Variants in KCNAB1 observed in about 807,000 individuals in gnomAD.
KCNAB1 encodes the protein voltage-gated potassium channel subunit beta-1.
A neutral mutation model predicts 64.6 loss-of-function variants in KCNAB1; 35 were observed. The ratio of observed to expected loss-of-function variants is 0.54; its 90% CI spans 0.41 to 0.72. KCNAB1 has a LOEUF of 0.72. KCNAB1 is among the 30% of genes least tolerant of loss of function. KCNAB1 has a pLI of 0.00. For missense variants in KCNAB1, 401 were observed against 512.9 expected, an observed-to-expected ratio of 0.78 and a Z score of 2.11; for synonymous variants, 177 against 183.8, an observed-to-expected ratio of 0.96 and a Z score of 0.30.
intron 1 of KCNAB1, among the ~76,000 whole-genome samples, chr3:156,280,398 G>A (rs1168953792): frequency 1.3e-5 from 2 of 151,720 alleles, no homozygotes; most frequent in East Asian, 1.9e-4. Flanking sequence ...AAGTCAGGTA[G>A]TGTGATGCCT....
intron 1 of KCNAB1, among the ~76,000 whole-genome samples, chr3:156,419,801 G>C (rs1256517928): frequency 6.6e-6 from 1 of 152,162 alleles, no homozygotes; most frequent in Admixed American, 6.5e-5. Context: ...AGCTCCTTGA[G>C]GGTACAGGAC....
chr3:156,248,158 TAATCAATGC>T (rs1266790659), intron 1 of KCNAB1, among the ~76,000 whole-genome samples: 1 of 152,252 alleles, frequency 6.6e-6, no homozygotes, highest in Non-Finnish European at 1.5e-5. Flanking sequence ...TGTTAAGTTG[TAATCAATGC>T]ACCAATGAAA....
At chr3:156,122,625 A>G (rs1028571945) in intron 1 of KCNAB1, among the ~76,000 whole-genome samples, 1 of 152,218 alleles carries the variant, frequency 6.6e-6, no homozygotes, top group Non-Finnish European at 1.5e-5. Context: ...TCTGTGGGGT[A>G]GTGTTATTAA....
In KCNAB1 at chr3:156,538,147, G is replaced by T. The variant is rs67804603; in HGVS notation, c.*1400G>T. On this transcript the variant is annotated 3_prime_UTR_variant, in exon 14 of 14. Coordinates refer to ENST00000490337, the MANE Select transcript of KCNAB1 (RefSeq NM_172160.3). ...TGTAAAAAGAGAGAAAACATGTTTTGTTTTTTTTTGAAGGGGGTGGTGTGG... is the reference window on the plus strand; with the variant it reads ...TGTAAAAAGAGAGAAAACATGTTTTTTTTTTTTTTGAAGGGGGTGGTGTGG... 758 of 11,324 alleles carry T rather than the reference G, an allele frequency of 0.067. 5 individuals carry two copies. The highest frequency in any genetic ancestry group is 0.33 in the East Asian group (80 of 242). The allele number at this position is 11,324 out of a possible 1,614,324, so 0.7% of individuals were successfully genotyped here. A position where few individuals can be genotyped will look rare whatever the true frequency, so the allele number is the denominator to read the frequency against.
chr3:156,244,340 GTC>G (rs1717336053), intron 1 of KCNAB1, among the ~76,000 whole-genome samples: 2 of 152,010 alleles, frequency 1.3e-5, no homozygotes, highest in African/African-American at 4.8e-5. Context: ...TCTTCCTCTT[GTC>G]TCTGTTTTAT....
At chr3:156,420,727 T>TAATTTGTGTAAGG (rs1392251085) in intron 1 of KCNAB1, among the ~76,000 whole-genome samples, 3 of 152,220 alleles carry the variant, frequency 2.0e-5, no homozygotes, top group African/African-American at 7.2e-5. Context: ...TGAGGCACCC[T>TAATTTGTGTAAGG]GTCTCTGAGA....
At position 156,358,813 on chromosome 3, in the gene KCNAB1, A is replaced by T. The variant is rs1000947121; in HGVS notation, c.276-62803A>T. ...AACATGGTTTTGATGAAGGTTAAGT[A>T]AGTTGGTATTTAAAACATCTAGAAG... On this transcript the variant is annotated intron_variant, in intron 1 of 13. Transcript: ENST00000490337. 6.0e-4 allele frequency among the ~76,000 whole-genome samples: 91 copies of T among 152,292 alleles called. 1 individual carries two copies. Among genetic ancestry groups the T allele is most frequent in the Middle Eastern group, 3.4e-3 (1 of 294 alleles).
intron 1 of KCNAB1, among the ~76,000 whole-genome samples, chr3:156,275,478 G>A (rs1327271008): frequency 6.6e-6 from 1 of 152,104 alleles, no homozygotes; most frequent in East Asian, 1.9e-4. Context: ...TCAGTTGACT[G>A]TTCCTTTCAT....
chr3:156,120,421 C>T (rs538684825), upstream of KCNAB1: 9 of 683,542 alleles, frequency 1.3e-5, no homozygotes, highest in East Asian at 1.5e-4. Flanking sequence ...GCCAGCTTAC[C>T]TCTTCACTAG....
intron 8 of KCNAB1, among the ~76,000 whole-genome samples, chr3:156,477,121 A>T (rs1485632269): frequency 1.3e-5 from 2 of 152,326 alleles, no homozygotes; most frequent in East Asian, 3.9e-4. Flanking sequence ...GATACCAACA[A>T]GATAATGATG....
intron 2 of KCNAB1, chr3:156,445,917 T>C (rs892820036): frequency 6.6e-6 from 1 of 152,208 alleles, no homozygotes; most frequent in African/African-American, 2.4e-5. Flanking sequence ...TCAAGGTTCC[T>C]AATTTTGTGC....
intron 1 of KCNAB1, among the ~76,000 whole-genome samples, chr3:156,418,959 G>T (rs1715280064): frequency 6.6e-6 from 1 of 152,132 alleles, no homozygotes; most frequent in South Asian, 2.1e-4. Flanking sequence ...ATCTTGTAAG[G>T]CTTTCATTCC....
chr3:156,150,981 C>T (rs1043937601), intron 1 of KCNAB1, among the ~76,000 whole-genome samples: 1 of 152,138 alleles, frequency 6.6e-6, no homozygotes, highest in African/African-American at 2.4e-5. Context: ...CACCACAGAC[C>T]TCTGGGCATG....
intron 1 of KCNAB1, among the ~76,000 whole-genome samples, chr3:156,151,700 G>A: frequency 6.6e-6 from 1 of 152,080 alleles, no homozygotes; most frequent in East Asian, 1.9e-4. Context: ...TTAGTCCTCA[G>A]TATCTCTTAA....
chr3:156,156,892 A>G (rs35385116), intron 1 of KCNAB1, among the ~76,000 whole-genome samples: 16,883 of 152,174 alleles, frequency 0.11, 1,069 homozygotes, highest in Non-Finnish European at 0.13. Context: ...TGAGATAAGC[A>G]AGTAAGTGTA....
At position 156,333,394 on chromosome 3, in the gene KCNAB1, A is replaced by G. The variant is rs113486587; in HGVS notation, c.276-88222A>G. ...GCTTTTTCTTATAAAATGGTGACAT[A>G]CTATACACATTGACCTTCGTCTTGC... On this transcript the variant is annotated intron_variant, in intron 1 of 13. Transcript: ENST00000490337. 9.2e-3 allele frequency among the ~76,000 whole-genome samples: 1,401 copies of G among 152,074 alleles called. 23 individuals are homozygous for G. Among genetic ancestry groups the G allele is most frequent in the African/African-American group, 0.032 (1,341 of 41,414 alleles).
At chr3:156,287,040 A>G (rs1280451708) in intron 1 of KCNAB1, among the ~76,000 whole-genome samples, 2 of 152,208 alleles carry the variant, frequency 1.3e-5, no homozygotes, top group Non-Finnish European at 2.9e-5. Flanking sequence ...GCATCCTGCT[A>G]AATGGCACAC....
chr3:156,352,305 T>C (rs1271333167), intron 1 of KCNAB1, among the ~76,000 whole-genome samples: 1 of 152,204 alleles, frequency 6.6e-6, no homozygotes, highest in Non-Finnish European at 1.5e-5. Context: ...GCAGGGAGGA[T>C]CCTGCTATGC....
At chr3:156,342,585 C>CTTTTTTTTTTTTTTTTTTTTTTA (rs1724199576) in intron 1 of KCNAB1, among the ~76,000 whole-genome samples, 5 of 86,250 alleles carry the variant, frequency 5.8e-5, no homozygotes, top group Non-Finnish European at 1.0e-4. Context: ...CTATGTGTTT[C>CTTTTTTTTTTTTTTTTTTTTTTA]TTTTTTTTTT....
Sources: allele counts gnomAD v4.1 joint callset (sites outside exome capture counted in the v4.1 genomes callset), GRCh38; gene constraint gnomAD v4.1.1; transcripts MANE v1.5; gene names NCBI Gene and HGNC (gene_info 2026-07-23, HGNC 2026-07-21).